MAF: variants seen among roughly 807,000 people sequenced by gnomAD.
MAF encodes the protein transcription factor Maf.
A neutral mutation model predicts 22.0 loss-of-function variants in MAF; 10 were observed. That is an observed-to-expected ratio of 0.45 (90% CI 0.28 to 0.77). MAF has a LOEUF of 0.77. Among genes scored for constraint, MAF ranks in the 30% least tolerant of loss-of-function variants. The pLI, the probability that MAF is intolerant of heterozygous loss-of-function variation, is 0.12. For synonymous variants in MAF, 337 were observed against 255.8 expected (o/e 1.32, Z -3.03); for missense variants, 544 against 548.4 (o/e 0.99, Z 0.08).
chr16:79,542,082 G>C, the MAF span, among the ~76,000 whole-genome samples: 2 of 152,292 alleles, frequency 1.3e-5, no homozygotes, highest in South Asian at 4.1e-4. Flanking sequence ...CTGACTCCAA[G>C]CGTTTCAGTC....
intron 1 of MAF, among the ~76,000 whole-genome samples, chr16:79,587,524 T>A (rs1244087353): frequency 6.6e-6 from 1 of 152,160 alleles, no homozygotes; most frequent in African/African-American, 2.4e-5. Flanking sequence ...ATTTTTGTAA[T>A]TCCTTGGGGA....
At chr16:79,554,641 C>T in the MAF span, among the ~76,000 whole-genome samples, 2 of 152,274 alleles carry the variant, frequency 1.3e-5, no homozygotes, top group South Asian at 4.1e-4. Context: ...CTCAGTCTCC[C>T]AGGATGCTCA....
At chr16:79,313,363 A>AGAAG in the MAF span, among the ~76,000 whole-genome samples, 3,146 of 152,268 alleles carry the variant, frequency 0.021, 34 homozygotes, top group Middle Eastern at 0.044. Flanking sequence ...TGATAAGAAA[A>AGAAG]CAAGGGTCAA....
the MAF span, among the ~76,000 whole-genome samples, chr16:79,454,966 C>T: frequency 1.3e-5 from 2 of 151,874 alleles, no homozygotes; most frequent in South Asian, 2.1e-4. Flanking sequence ...CATGGTGGCA[C>T]GTGCCTGTAA....
At chr16:79,413,784 A>G in the MAF span, among the ~76,000 whole-genome samples, 2 of 152,352 alleles carry the variant, frequency 1.3e-5, no homozygotes, top group Admixed American at 1.3e-4. Flanking sequence ...ATCTTTCCGA[A>G]GAGGCAACCC....
the MAF span, chr16:79,213,030 G>GTGA: frequency 3.3e-5 from 5 of 151,998 alleles, no homozygotes; most frequent in East Asian, 9.7e-4. Flanking sequence ...CAAGTACTTA[G>GTGA]TGATTAGCGG....
the MAF span, chr16:79,515,852 T>C: frequency 6.6e-6 from 1 of 151,952 alleles, no homozygotes; most frequent in Admixed American, 6.6e-5. Flanking sequence ...GAAACATAGG[T>C]TGAGATGGAG....
chr16:79,523,674 A>G, the MAF span, among the ~76,000 whole-genome samples: 2 of 152,340 alleles, frequency 1.3e-5, no homozygotes, highest in East Asian at 1.9e-4. Flanking sequence ...GGTGCTCAGT[A>G]GTGACCTTAA....
the MAF span, among the ~76,000 whole-genome samples, chr16:79,534,022 C>G: frequency 6.6e-6 from 1 of 152,192 alleles, no homozygotes; most frequent in Non-Finnish European, 1.5e-5. Context: ...CCCCATACTA[C>G]AAGCTCATCT....
the MAF span, among the ~76,000 whole-genome samples, chr16:79,506,592 G>A: frequency 1.3e-5 from 2 of 152,186 alleles, no homozygotes; most frequent in East Asian, 1.9e-4. Flanking sequence ...GTAGAACCAA[G>A]AAGAGGGGCC....
At chr16:79,377,168 C>T in the MAF span, among the ~76,000 whole-genome samples, 1 of 152,226 alleles carries the variant, frequency 6.6e-6, no homozygotes, top group Non-Finnish European at 1.5e-5. Context: ...TATTTCTCCA[C>T]ATCCTCTCCA....
the MAF span, among the ~76,000 whole-genome samples, chr16:79,232,198 G>C: frequency 6.6e-6 from 1 of 151,954 alleles, no homozygotes; most frequent in South Asian, 2.1e-4. Flanking sequence ...CCAGGGGTTG[G>C]GGAATCCCTG....
the MAF span, among the ~76,000 whole-genome samples, chr16:79,298,990 G>T: frequency 1.3e-5 from 2 of 152,374 alleles, no homozygotes; most frequent in East Asian, 3.9e-4. Context: ...GCTCCTGGTG[G>T]AGTGGCCCCT....
the MAF span, among the ~76,000 whole-genome samples, chr16:79,293,307 G>C: frequency 2.0e-5 from 3 of 152,086 alleles, no homozygotes; most frequent in African/African-American, 7.2e-5. Flanking sequence ...AGTCTACAGA[G>C]GATGGATTAA....
the MAF span, among the ~76,000 whole-genome samples, chr16:79,407,647 G>A: frequency 2.0e-5 from 3 of 152,036 alleles, no homozygotes; most frequent in East Asian, 3.9e-4. Context: ...AATCTCAGAA[G>A]CACATCATAT....
chr16:79,597,606 A>T, intron 1 of MAF: 2 of 1,022,648 alleles, frequency 2.0e-6, no homozygotes, highest in Non-Finnish European at 2.3e-6. Context: ...AACTCAAAGC[A>T]GTTTTGGAGC....
chr16:79,356,332 C>A, the MAF span, among the ~76,000 whole-genome samples: 1 of 152,198 alleles, frequency 6.6e-6, no homozygotes, highest in Non-Finnish European at 1.5e-5. Flanking sequence ...AGGAAATTCA[C>A]AGGCCACATC....
the MAF span, among the ~76,000 whole-genome samples, chr16:79,569,932 T>A: frequency 6.6e-6 from 1 of 151,644 alleles, no homozygotes; most frequent in Non-Finnish European, 1.5e-5. Context: ...CCGGGAGGGA[T>A]GCAGCAAAGA....
the MAF span, among the ~76,000 whole-genome samples, chr16:79,524,203 G>A: frequency 6.6e-6 from 1 of 152,180 alleles, no homozygotes; most frequent in African/African-American, 2.4e-5. Context: ...GGGAGAGCAG[G>A]AGGCCTGGAA....
Sources: allele counts gnomAD v4.1 joint callset (sites outside exome capture counted in the v4.1 genomes callset), GRCh38; gene constraint gnomAD v4.1.1; transcripts MANE v1.5; gene names NCBI Gene and HGNC (gene_info 2026-07-23, HGNC 2026-07-21).